Variants in CCNY observed in about 807,000 individuals in gnomAD.
The protein encoded by CCNY is cyclin Y.
A neutral mutation model predicts 42.8 loss-of-function variants in CCNY; 19 were observed. The observed-to-expected ratio is 0.44, with a 90% CI of 0.31 to 0.65. CCNY has a LOEUF of 0.65. CCNY is among the 30% of genes least tolerant of loss of function. The pLI is 0.07. For missense variants in CCNY, 370 were observed against 437.3 expected (o/e 0.85, Z 1.37); for synonymous variants, 165 against 162.7 (o/e 1.01, Z -0.11).
chr10:35,272,266 C>T (rs1005751803), intron 3 of CCNY, among the ~76,000 whole-genome samples: 3 of 150,860 alleles, frequency 2.0e-5, no homozygotes, highest in South Asian at 2.1e-4. Context: ...GGATTACAGG[C>T]GTGAGCCACT....
intron 3 of CCNY, among the ~76,000 whole-genome samples, chr10:35,290,260 A>ACACT (rs1335845357): frequency 6.7e-6 from 1 of 150,354 alleles, no homozygotes; most frequent in African/African-American, 2.5e-5. Context: ...ACACACACAC[A>ACACT]CACAAAATTA....
intron 3 of CCNY, among the ~76,000 whole-genome samples, chr10:35,290,263 CAA>C (rs1491512185): frequency 4.4e-4 from 65 of 148,662 alleles, no homozygotes; most frequent in African/African-American, 1.4e-3. Flanking sequence ...CACACACACA[CAA>C]AATTAGCTGG....
chr10:35,450,097 G>A (rs945387866), intron 1 of CCNY, among the ~76,000 whole-genome samples: 1 of 152,088 alleles, frequency 6.6e-6, no homozygotes, highest in Non-Finnish European at 1.5e-5. Context: ...ATGACTACAA[G>A]GCTGTGGCTC....
intron 1 of CCNY, among the ~76,000 whole-genome samples, chr10:35,395,031 G>A (rs1352566125): frequency 1.5e-5 from 2 of 132,800 alleles, no homozygotes; most frequent in African/African-American, 5.7e-5. Flanking sequence ...AAGAAAGCTA[G>A]AAGTATTATG....
At chr10:35,259,411 GC>G (rs1482266541) in intron 3 of CCNY, among the ~76,000 whole-genome samples, 1 of 150,992 alleles carries the variant, frequency 6.6e-6, no homozygotes, top group Non-Finnish European at 1.5e-5. Context: ...TCACTATGTT[GC>G]CCAAGCTGGT....
intron 3 of CCNY, among the ~76,000 whole-genome samples, chr10:35,256,169 G>A (rs1185933148): frequency 6.6e-6 from 1 of 152,058 alleles, no homozygotes; most frequent in East Asian, 1.9e-4. Context: ...ATTTTTGATT[G>A]GAGAATTTAA....
At chr10:35,267,757 A>G (rs1282626698) in intron 3 of CCNY, among the ~76,000 whole-genome samples, 2 of 152,148 alleles carry the variant, frequency 1.3e-5, no homozygotes, top group Non-Finnish European at 2.9e-5. Context: ...TGTTCCTTAC[A>G]TGTTCCTGCT....
intron 2 of CCNY, among the ~76,000 whole-genome samples, chr10:35,488,927 G>A (rs1194160276): frequency 6.6e-6 from 1 of 152,074 alleles, no homozygotes; most frequent in African/African-American, 2.4e-5. Context: ...TGTTATACTA[G>A]TATAATGTAT....
chr10:35,554,833 G>A (rs1311982343), intron 8 of CCNY, among the ~76,000 whole-genome samples: 1 of 152,166 alleles, frequency 6.6e-6, no homozygotes, highest in African/African-American at 2.4e-5. Flanking sequence ...AATGCAAATT[G>A]CAGATACCAC....
At chr10:35,399,766 A>G (rs1438003873) in intron 1 of CCNY, among the ~76,000 whole-genome samples, 1 of 151,706 alleles carries the variant, frequency 6.6e-6, no homozygotes, top group East Asian at 1.9e-4. Flanking sequence ...ACATAACTGG[A>G]CTCCCCCTTA....
At chr10:35,263,356 C>CAAA (rs71523372) in intron 3 of CCNY, among the ~76,000 whole-genome samples, 12 of 44,274 alleles carry the variant, frequency 2.7e-4, no homozygotes, top group African/African-American at 4.2e-4. Context: ...GACTCCGTCT[C>CAAA]AAAAAAAAAA....
At chr10:35,383,621 A>G (rs1344977300) in intron 1 of CCNY, among the ~76,000 whole-genome samples, 12 of 152,208 alleles carry the variant, frequency 7.9e-5, no homozygotes, top group Non-Finnish European at 1.5e-4. Context: ...AACATTTTCA[A>G]AAGAAGAAAG....
chr10:35,353,855 C>T (rs1372803858), intron 1 of CCNY, among the ~76,000 whole-genome samples: 1 of 152,192 alleles, frequency 6.6e-6, no homozygotes, highest in Non-Finnish European at 1.5e-5. Flanking sequence ...CATTTAGTAA[C>T]TTAAAATAAC....
At chr10:35,282,490 G>A (rs1358832821) in intron 3 of CCNY, among the ~76,000 whole-genome samples, 1 of 151,902 alleles carries the variant, frequency 6.6e-6, no homozygotes, top group Non-Finnish European at 1.5e-5. Flanking sequence ...CACTTTGGGA[G>A]GCTGAGTCAG....
At chr10:35,502,734 T>C (rs1317173092) in intron 3 of CCNY, among the ~76,000 whole-genome samples, 1 of 152,086 alleles carries the variant, frequency 6.6e-6, no homozygotes. Context: ...GAGGAAAATA[T>C]GAAAATTGCC....
At chr10:35,556,782 G>T (rs1219741020) in intron 8 of CCNY, among the ~76,000 whole-genome samples, 1 of 152,072 alleles carries the variant, frequency 6.6e-6, no homozygotes, top group African/African-American at 2.4e-5. Flanking sequence ...AATAGTGGAG[G>T]TCTTTATACA....
intron 3 of CCNY, among the ~76,000 whole-genome samples, chr10:35,288,189 T>C (rs2135060411): frequency 6.6e-6 from 1 of 152,292 alleles, no homozygotes; most frequent in Admixed American, 6.5e-5. Flanking sequence ...GATTTTAATT[T>C]CCATTTCCCT....
intron 3 of CCNY, among the ~76,000 whole-genome samples, chr10:35,317,688 G>T (rs1450272762): frequency 6.6e-6 from 1 of 152,224 alleles, no homozygotes; most frequent in Non-Finnish European, 1.5e-5. Flanking sequence ...AGCTGTCACT[G>T]CTGTGGAGGA....
intron 1 of CCNY, among the ~76,000 whole-genome samples, chr10:35,364,609 C>T (rs1460783296): frequency 6.6e-6 from 1 of 152,038 alleles, no homozygotes; most frequent in Non-Finnish European, 1.5e-5. Context: ...AGTTTTGAAG[C>T]CTTCTGTGAA....
Sources: gnomAD v4.1 joint callset for allele counts (sites outside exome capture counted in the v4.1 genomes callset) on GRCh38, gnomAD v4.1.1 for gene constraint, MANE v1.5 for transcripts, NCBI Gene and HGNC (gene_info 2026-07-23, HGNC 2026-07-21) for gene names.